CACNA2D1: variants seen among roughly 807,000 people sequenced by gnomAD.
CACNA2D1 encodes the protein voltage-dependent calcium channel subunit alpha-2/delta-1.
In CACNA2D1, 53 loss-of-function variants were observed where a neutral mutation model predicts 171.5. The observed-to-expected ratio is 0.31, with a 90% CI of 0.25 to 0.39. The LOEUF is 0.39. CACNA2D1 is among the 10% of genes least tolerant of loss of function. CACNA2D1 has a pLI of 1.00. For synonymous variants in CACNA2D1, 442 were observed against 443.1 expected (o/e 1.00, Z 0.03); for missense variants, 903 against 1,299.8 (o/e 0.69, Z 4.69).
intron 7 of CACNA2D1, among the ~76,000 whole-genome samples, chr7:82,068,462 C>A (rs978211377): frequency 2.6e-5 from 4 of 152,100 alleles, no homozygotes; most frequent in Admixed American, 6.6e-5. Context: ...CTATCTCAAC[C>A]CTAGAGGCAG....
At chr7:82,010,840 G>C (rs1419156177) in intron 15 of CACNA2D1, among the ~76,000 whole-genome samples, 2 of 151,948 alleles carry the variant, frequency 1.3e-5, no homozygotes, top group Non-Finnish European at 2.9e-5. Flanking sequence ...CATTACATTT[G>C]GAAAAGTAGT....
At chr7:82,386,125 G>A (rs966346499) in intron 1 of CACNA2D1, among the ~76,000 whole-genome samples, 2 of 152,022 alleles carry the variant, frequency 1.3e-5, no homozygotes, top group Admixed American at 1.3e-4. Context: ...AAAGTGCCCT[G>A]GAGACCACCA....
chr7:81,967,701 A>G (rs747704505), intron 29 of CACNA2D1, 38 bp from the exon 30 acceptor site: 3 of 918,888 alleles, frequency 3.3e-6, no homozygotes, highest in Non-Finnish European at 3.5e-6. Context: ...AGGTATAATT[A>G]GATGTAATAC....
At chr7:82,027,354 G>A (rs1429672719) in intron 12 of CACNA2D1, among the ~76,000 whole-genome samples, 1 of 151,612 alleles carries the variant, frequency 6.6e-6, no homozygotes, top group Non-Finnish European at 1.5e-5. Flanking sequence ...AATGTGGGAT[G>A]TCATTTAACT....
At chr7:82,007,822 A>C in intron 15 of CACNA2D1, 66 bp from the exon 16 acceptor site, 1 of 873,072 alleles carries the variant, frequency 1.1e-6, no homozygotes, top group Middle Eastern at 2.2e-4. Flanking sequence ...AGAGTGCACT[A>C]ACCTTTGATA....
chr7:82,358,606 G>A lies in CACNA2D1; in HGVS notation c.96-8957C>T, dbSNP rs77918432. On this transcript the variant is annotated intron_variant, in intron 1 of 38. Coordinates refer to ENST00000356860, the MANE Select transcript of CACNA2D1 (RefSeq NM_000722.4). ...CAGTGGAAAGGTAAAGTACTTGAGA[G>A]TAGGAAAAAAGACTATCACTAAACT... Among the ~76,000 whole-genome samples, 86 of 151,974 alleles carry A rather than the reference G, an allele frequency of 5.7e-4. No homozygotes were observed. The East Asian group carries it at 0.011, about 20-fold the overall frequency.
intron 1 of CACNA2D1, among the ~76,000 whole-genome samples, chr7:82,418,549 ATAAAG>A (rs898555497): frequency 6.6e-6 from 1 of 152,160 alleles, no homozygotes; most frequent in African/African-American, 2.4e-5. Context: ...AAATAAATAA[ATAAAG>A]TAACAGAGAT....
At chr7:82,229,636 G>A (rs76451442) in intron 3 of CACNA2D1, among the ~76,000 whole-genome samples, 3,059 of 151,876 alleles carry the variant, frequency 0.02, 212 homozygotes, top group Admixed American at 0.12. Context: ...CAGAGCACAC[G>A]TAGAGCCTTC....
intron 3 of CACNA2D1, among the ~76,000 whole-genome samples, chr7:82,328,945 A>G: frequency 6.6e-6 from 1 of 152,162 alleles, no homozygotes; most frequent in Non-Finnish European, 1.5e-5. Flanking sequence ...GTCTCTAAAG[A>G]ATTTCAGAAT....
chr7:82,034,612 C>T (rs1335838056), intron 11 of CACNA2D1, among the ~76,000 whole-genome samples: 1 of 152,044 alleles, frequency 6.6e-6, no homozygotes, highest in African/African-American at 2.4e-5. Flanking sequence ...AAACATGCCT[C>T]AAATCCCTTA....
intron 4 of CACNA2D1, among the ~76,000 whole-genome samples, chr7:82,141,375 A>G (rs116291885): frequency 2.1e-5 from 2 of 93,350 alleles, no homozygotes; most frequent in Non-Finnish European, 4.3e-5. Context: ...GAGGAAATTT[A>G]AAAAAAAAAA....
At chr7:82,123,301 G>A (rs1280623863) in intron 5 of CACNA2D1, among the ~76,000 whole-genome samples, 6 of 152,038 alleles carry the variant, frequency 3.9e-5, no homozygotes, top group African/African-American at 1.4e-4. Context: ...GATATTCATG[G>A]TAAACATCAC....
At chr7:82,379,542 G>A (rs1823448823) in intron 1 of CACNA2D1, among the ~76,000 whole-genome samples, 1 of 152,118 alleles carries the variant, frequency 6.6e-6, no homozygotes, top group South Asian at 2.1e-4. Context: ...TCTCTGAAAA[G>A]GACATTTAGG....
At chr7:81,967,417 TTC>T (rs1794824837) in intron 30 of CACNA2D1, among the ~76,000 whole-genome samples, 177 bp downstream of exon 30, 1 of 151,532 alleles carries the variant, frequency 6.6e-6, no homozygotes, top group African/African-American at 2.4e-5. Flanking sequence ...CTTGAAATAC[TTC>T]TATTACATAT....
chr7:82,431,801 G>A (rs1328879515), intron 1 of CACNA2D1, among the ~76,000 whole-genome samples: 1 of 149,012 alleles, frequency 6.7e-6, no homozygotes, highest in African/African-American at 2.5e-5. Context: ...GCACTTTGGA[G>A]GTTGAGGTGG....
rs142080947 is a variant in CACNA2D1 at position 82,327,842 on chromosome 7, C to T, written c.294+7293G>A. Among the ~76,000 whole-genome samples, 1,061 of 152,290 alleles carry T rather than the reference C, an allele frequency of 7.0e-3. 16 individuals carry two copies. The highest frequency in any genetic ancestry group is 0.025 in the African/African-American group (1,022 of 41,540). On this transcript the variant is annotated intron_variant, in intron 3 of 38. Transcript: ENST00000356860. Reference sequence around the variant, plus strand: ...ACTGACTTGTTCCCTTATTAAGATACTTTCCTAGTTGTTTGGAGGTACCCA... The same window carrying T: ...ACTGACTTGTTCCCTTATTAAGATATTTTCCTAGTTGTTTGGAGGTACCCA...
At chr7:82,111,917 T>A (rs994432467) in intron 6 of CACNA2D1, among the ~76,000 whole-genome samples, 1 of 152,128 alleles carries the variant, frequency 6.6e-6, no homozygotes, top group Non-Finnish European at 1.5e-5. Flanking sequence ...AATCCATCAA[T>A]AAATCAAAAT....
rs532241831 is a variant in CACNA2D1 at position 82,084,629 on chromosome 7, A to T, written c.658+140T>A. 1.5e-5 allele frequency: 15 copies of T among 992,972 alleles called. No individual in the cohort carries two copies. The African/African-American group carries it at 2.1e-4, about 14-fold the overall frequency. The allele number at this position is 992,972 out of a possible 1,614,324, so 61.5% of individuals were successfully genotyped here. A position where few individuals can be genotyped will look rare whatever the true frequency, so the allele number is the denominator to read the frequency against. On this transcript the variant is annotated intron_variant, in intron 7 of 38. Transcript: ENST00000356860. ...AAGTGACTGTGGTCAATCCAAAGCC[A>T]TGTAAAGAGGAATGTTCTTTCCTTA...
intron 1 of CACNA2D1, among the ~76,000 whole-genome samples, chr7:82,406,259 A>G (rs1827029066): frequency 6.6e-6 from 1 of 152,194 alleles, no homozygotes; most frequent in Non-Finnish European, 1.5e-5. Flanking sequence ...TCCATGGTGT[A>G]TATGTGCCAC....
Sources: allele counts gnomAD v4.1 joint callset (sites outside exome capture counted in the v4.1 genomes callset), GRCh38; gene constraint gnomAD v4.1.1; transcripts MANE v1.5; gene names NCBI Gene and HGNC (gene_info 2026-07-23, HGNC 2026-07-21).